The following DST variants were observed in gnomAD, a reference collection of about 807,000 sequenced individuals.
The protein encoded by DST is bullous pemphigoid antigen.
Under a neutral mutation model 875.2 loss-of-function variants are expected in DST, and 253 were observed. That is an observed-to-expected ratio of 0.29 (90% CI 0.26 to 0.32). DST has a LOEUF of 0.32. Among genes scored for constraint, DST ranks in the 10% least tolerant of loss-of-function variants. DST has a pLI of 1.00. For missense variants in DST, 8,287 were observed against 9,111.6 expected, an observed-to-expected ratio of 0.91 and a Z score of 3.68; for synonymous variants, 3,124 against 3,197.1, an observed-to-expected ratio of 0.98 and a Z score of 0.77.
chr6:56,900,662 T>C (rs1170316185), intron 2 of DST, 41 bp from the exon 3 acceptor site: 7 of 1,338,106 alleles, frequency 5.2e-6, no homozygotes, highest in Admixed American at 2.0e-5. Flanking sequence ...AGATTTGTAT[T>C]GAGTTAGTCT....
At chr6:56,515,059 T>C (rs1467994640) in intron 72 of DST, among the ~76,000 whole-genome samples, 1 of 152,236 alleles carries the variant, frequency 6.6e-6, no homozygotes, top group Non-Finnish European at 1.5e-5. Flanking sequence ...GCCTTGTCTG[T>C]ATAATGGTTC....
chr6:56,553,402 C>T lies in DST; in HGVS notation c.15390G>A (p.Gly5130=), dbSNP rs756831912. ...GTAACTGTAAGGCTGCCTTCTCAGA[C>T]CCTTGTGTTTTTAATAACAGATTTT... The part of the protein sequence containing the change: ...EGENLLLKTQ[G]SEKAALQLQL... Residue 5130 remains glycine (G), a synonymous_variant, in exon 61 of 104, where the codon GGG becomes GGA. Transcript: ENST00000680361. The T allele has an allele frequency of 6.2e-7, 1 of 1,601,858 alleles. No homozygotes were observed. Among genetic ancestry groups the T allele is most frequent in the Non-Finnish European group, 8.5e-7 (1 of 1,175,544 alleles).
rs144274837 is a variant in DST, at chr6:56,618,380, G to C, written c.4930-3896C>G. On this transcript the variant is annotated intron_variant, in intron 36 of 103. Coordinates refer to ENST00000680361, the MANE Select transcript of DST (RefSeq NM_001374736.1). The stretch of plus-strand genomic sequence containing the variant: ...TCCAGAGTGCTGGCACTCCTTCACT[G>C]TCATCTCAAAATCTGGTTTGAAGGT... The C allele has an allele frequency of 5.6e-6, 9 of 1,614,018 alleles. No homozygotes were observed. In the African/African-American group the frequency reaches 9.3e-5, roughly 17 times the overall value.
chr6:56,602,055 G>C (rs891056774), intron 43 of DST: 1 of 403,918 alleles, frequency 2.5e-6, no homozygotes, highest in African/African-American at 2.1e-5. Flanking sequence ...ATGTAATTGT[G>C]GTAAGATATA....
At chr6:56,459,552 C>A (rs919739578) in intron 103 of DST, among the ~76,000 whole-genome samples, 1 of 152,296 alleles carries the variant, frequency 6.6e-6, no homozygotes, top group East Asian at 1.9e-4. Context: ...AAGGAATATA[C>A]CTATCCTTTA....
intron 2 of DST, among the ~76,000 whole-genome samples, chr6:56,910,213 C>T (rs2127715288): frequency 6.6e-6 from 1 of 152,308 alleles, no homozygotes; most frequent in East Asian, 1.9e-4. Flanking sequence ...GTTGCCCAGG[C>T]TAGAGAACAG....
intron 61 of DST, among the ~76,000 whole-genome samples, chr6:56,542,983 G>A (rs920361130): frequency 1.3e-5 from 2 of 152,248 alleles, no homozygotes; most frequent in Middle Eastern, 3.2e-3. Flanking sequence ...AGCTTGTGGT[G>A]ACATCAGCGC....
intron 4 of DST, among the ~76,000 whole-genome samples, chr6:56,794,199 G>A (rs1000551342): frequency 6.6e-6 from 1 of 152,144 alleles, no homozygotes; most frequent in African/African-American, 2.4e-5. Flanking sequence ...CAAGTATTTC[G>A]ACTGAACCTC....
chr6:56,609,132 C>A lies in DST; in HGVS notation c.5496G>T (p.Leu1832=). ...CTTTACTTAGTTCTTTGAGTTGGCA[C>A]AGAATTTGTTCATCAATAAGGCCAT... ...KSHGLIDEQI[L]CQLKELSKAK... is the part of the protein sequence containing the mutation. Residue 1832 remains leucine, a synonymous_variant, in exon 40 of 104, where the codon CTG becomes CTT. Transcript: ENST00000680361. The A allele has an allele frequency of 6.2e-7, 1 of 1,613,820 alleles. No individual in the cohort carries two copies. Among genetic ancestry groups the A allele is most frequent in the Non-Finnish European group, 8.5e-7 (1 of 1,179,792 alleles).
chr6:56,570,404 G>T (rs1340524337), intron 53 of DST, among the ~76,000 whole-genome samples: 1 of 152,178 alleles, frequency 6.6e-6, no homozygotes, highest in Non-Finnish European at 1.5e-5. Flanking sequence ...GTCCCATCTG[G>T]GGGTGATGGG....
chr6:56,669,072 G>T (rs2099086254), intron 10 of DST, among the ~76,000 whole-genome samples: 1 of 151,958 alleles, frequency 6.6e-6, no homozygotes, highest in South Asian at 2.1e-4. Context: ...TTATGAGATT[G>T]TCAGGAGATT....
At chr6:56,699,852 A>C (rs1378601724) in intron 8 of DST, 107 bp from the exon 9 acceptor site, 3 of 541,012 alleles carry the variant, frequency 5.5e-6, no homozygotes, top group Non-Finnish European at 9.5e-6. Context: ...AAAAAATGGA[A>C]TAATTTAAAC....
intron 22 of DST, 195 bp downstream of exon 22, chr6:56,639,064 T>C: frequency 1.6e-6 from 1 of 619,330 alleles, no homozygotes; most frequent in Non-Finnish European, 2.9e-6. Context: ...AGGGTACTTT[T>C]ATTCTAAGTG....
chr6:56,690,902 GA>G (rs142791114), intron 9 of DST, among the ~76,000 whole-genome samples: 1,895 of 152,290 alleles, frequency 0.012, 49 homozygotes, highest in African/African-American at 0.042. Context: ...GTGTGCCACA[GA>G]ATAAATAAAT....
intron 55 of DST, among the ~76,000 whole-genome samples, chr6:56,564,025 G>T (rs572768881): frequency 6.6e-6 from 1 of 152,250 alleles, no homozygotes; most frequent in African/African-American, 2.4e-5. Flanking sequence ...CTCCAGCTTT[G>T]TTCTTTTTGC....
chr6:56,775,592 T>C (rs1189667101), intron 4 of DST, among the ~76,000 whole-genome samples: 3 of 152,146 alleles, frequency 2.0e-5, no homozygotes, highest in African/African-American at 7.2e-5. Context: ...GAGAAATGGT[T>C]GATTTCAGGG....
At chr6:56,480,245 T>C (rs1466297044) in intron 90 of DST, among the ~76,000 whole-genome samples, 1 of 152,174 alleles carries the variant, frequency 6.6e-6, no homozygotes, top group Non-Finnish European at 1.5e-5. Flanking sequence ...ATTTTCCCAA[T>C]ACAGGATCCT....
chr6:56,692,020 T>C (rs2099233921), intron 9 of DST, among the ~76,000 whole-genome samples: 1 of 152,204 alleles, frequency 6.6e-6, no homozygotes, highest in South Asian at 2.1e-4. Context: ...TCATGACTAT[T>C]TCTAATTGAA....
At chr6:56,931,695 T>A (rs1214920964) in intron 2 of DST, among the ~76,000 whole-genome samples, 1 of 151,946 alleles carries the variant, frequency 6.6e-6, no homozygotes, top group Non-Finnish European at 1.5e-5. Flanking sequence ...AGACCTGGAG[T>A]CACAGAAGAT....
Sources: gnomAD v4.1 joint callset for allele counts (sites outside exome capture counted in the v4.1 genomes callset) on GRCh38, gnomAD v4.1.1 for gene constraint, MANE v1.5 for transcripts, NCBI Gene and HGNC (gene_info 2026-07-23, HGNC 2026-07-21) for gene names.